SLC13A3: variants seen among roughly 807,000 people sequenced by gnomAD.
SLC13A3 encodes Na(+)/dicarboxylate cotransporter 3.
A neutral mutation model predicts 59.0 loss-of-function variants in SLC13A3; 40 were observed. That is an observed-to-expected ratio of 0.68 (90% CI 0.53 to 0.88). The LOEUF (loss-of-function observed/expected upper bound fraction) is 0.88, where lower values mean the gene tolerates loss of function less well. SLC13A3 is among the 40% of genes least tolerant of loss of function. SLC13A3 has a pLI of 0.00. For missense variants in SLC13A3, 699 were observed against 783.2 expected (o/e 0.89, Z 1.28); for synonymous variants, 317 against 330.3 (o/e 0.96, Z 0.44).
chr20:46,629,048 T>C (rs2062708911), intron 1 of SLC13A3, among the ~76,000 whole-genome samples: 1 of 152,242 alleles, frequency 6.6e-6, no homozygotes. Flanking sequence ...GAAAGCATTT[T>C]GAAGTGTGTG....
chr20:46,600,313 G>GGGAAGGAAGGAAAGGAAGGAAGGAA (rs2062363306), intron 3 of SLC13A3, among the ~76,000 whole-genome samples: 2 of 123,808 alleles, frequency 1.6e-5, no homozygotes, highest in Non-Finnish European at 3.3e-5. Context: ...GAAAGAAAGA[G>GGGAAGGAAGGAAAGGAAGGAAGGAA]GGAAGGAAGG....
At chr20:46,566,022 A>G (rs772885512) in intron 11 of SLC13A3, among the ~76,000 whole-genome samples, 20 of 152,260 alleles carry the variant, frequency 1.3e-4, no homozygotes, top group Non-Finnish European at 2.1e-4. Context: ...AATTGGGAGC[A>G]CTTTGAAAAT....
upstream of SLC13A3, among the ~76,000 whole-genome samples, chr20:46,653,747 G>A (rs929764932): frequency 6.6e-6 from 1 of 152,192 alleles, no homozygotes; most frequent in East Asian, 1.9e-4. Flanking sequence ...TGTCCTTAAG[G>A]CTCACCCATG....
At chr20:46,654,510 T>C (rs1460165135), upstream of SLC13A3, among the ~76,000 whole-genome samples, 1 of 152,222 alleles carries the variant, frequency 6.6e-6, no homozygotes, top group African/African-American at 2.4e-5. Flanking sequence ...GTTTTAACTT[T>C]TCCTTCAGCT....
Position 46,589,358 on chromosome 20 carries a change from G to A in SLC13A3, c.921-103C>T, listed in dbSNP as rs776904285. On this transcript the variant is annotated intron_variant, in intron 6 of 12. Transcript: ENST00000279027. ...TGACCAAGCCACATCCTCTCTGTCC[G>A]GGAGGCTGCAACTGCCTGATAGCTT... 86 of 917,112 alleles carry A rather than the reference G, an allele frequency of 9.4e-5. 1 individual carries two copies. The highest frequency in any genetic ancestry group is 6.7e-4 in the South Asian group (45 of 67,176). 56.8% of individuals were successfully genotyped at this position (917,112 alleles called of 1,614,324 possible). A position where few individuals can be genotyped will look rare whatever the true frequency, so the allele number is the denominator to read the frequency against.
intron 1 of SLC13A3, chr20:46,613,951 T>C: frequency 2.1e-6 from 1 of 471,510 alleles, no homozygotes; most frequent in Non-Finnish European, 3.7e-6. Flanking sequence ...AGCCTCATTT[T>C]GCTCAATTAT....
chr20:46,631,255 G>A (rs1179642797), intron 1 of SLC13A3, among the ~76,000 whole-genome samples: 1 of 152,172 alleles, frequency 6.6e-6, no homozygotes, highest in East Asian at 1.9e-4. Context: ...GTCCAGAACA[G>A]CCCCCTACAA....
At chr20:46,570,732 C>G (rs1285488037) in intron 10 of SLC13A3, among the ~76,000 whole-genome samples, 1 of 152,178 alleles carries the variant, frequency 6.6e-6, no homozygotes, top group Admixed American at 6.5e-5. Context: ...AAGTCAGGAA[C>G]CATCTGTACA....
chr20:46,565,139 C>T (rs2061968644), intron 11 of SLC13A3, among the ~76,000 whole-genome samples: 1 of 152,134 alleles, frequency 6.6e-6, no homozygotes, highest in African/African-American at 2.4e-5. Flanking sequence ...TTTTAAAACT[C>T]CTAGTATAAA....
At chr20:46,659,806 C>A (rs754224065) in intron 1 of SLC13A3, among the ~76,000 whole-genome samples, 2 of 150,668 alleles carry the variant, frequency 1.3e-5, no homozygotes, top group Non-Finnish European at 1.5e-5. Flanking sequence ...ACCCTCTTCT[C>A]TTCCTTTGTA....
rs1359232215 is a variant in SLC13A3, at chr20:46,642,010, G to A, written c.111+9301C>T. Reference sequence around the variant, plus strand: ...AAACTAACTAGCCAGTCCTAAACCTGCACACCCTGCCTTGCCCGAACATAT... The same window carrying A: ...AAACTAACTAGCCAGTCCTAAACCTACACACCCTGCCTTGCCCGAACATAT... On this transcript the variant is annotated intron_variant, in intron 1 of 12. Coordinates refer to ENST00000279027, the MANE Select transcript of SLC13A3 (RefSeq NM_022829.6). 4.6e-5 allele frequency among the ~76,000 whole-genome samples: 7 copies of A among 152,074 alleles called. No homozygotes were observed. In the South Asian group the frequency reaches 1.4e-3, roughly 31 times the overall value.
At chr20:46,626,149 C>G (rs1466693292) in intron 1 of SLC13A3, among the ~76,000 whole-genome samples, 4 of 151,406 alleles carry the variant, frequency 2.6e-5, no homozygotes, top group Non-Finnish European at 4.4e-5. Flanking sequence ...GTCTCTCTGT[C>G]TCTCTCTCCC....
chr20:46,635,464 A>G (rs2062786514), intron 1 of SLC13A3, among the ~76,000 whole-genome samples: 1 of 152,070 alleles, frequency 6.6e-6, no homozygotes, highest in African/African-American at 2.4e-5. Context: ...TTGCTCCTTC[A>G]CCTTCTTCAG....
At chr20:46,567,296 C>T (rs988136104) in intron 10 of SLC13A3, among the ~76,000 whole-genome samples, 2 of 152,026 alleles carry the variant, frequency 1.3e-5, no homozygotes, top group Non-Finnish European at 2.9e-5. Context: ...TATTCATTGT[C>T]GTAAGAATCA....
chr20:46,610,769 A>G (rs1413560017), intron 2 of SLC13A3, among the ~76,000 whole-genome samples, 160 bp from the exon 3 acceptor site: 2 of 152,118 alleles, frequency 1.3e-5, no homozygotes, highest in East Asian at 3.9e-4. Flanking sequence ...TTTATTTTAG[A>G]TCTAAGAAAA....
intron 1 of SLC13A3, among the ~76,000 whole-genome samples, chr20:46,650,744 G>A (rs990126197): frequency 2.0e-5 from 3 of 152,126 alleles, no homozygotes; most frequent in Non-Finnish European, 4.4e-5. Flanking sequence ...GTGCAATACA[G>A]CACCAAGCAC....
intron 1 of SLC13A3, among the ~76,000 whole-genome samples, chr20:46,659,653 T>C (rs2063015438): frequency 1.3e-5 from 2 of 150,314 alleles, no homozygotes; most frequent in South Asian, 2.1e-4. Context: ...GAGGTGGAGG[T>C]TGCAGTGAGC....
chr20:46,650,357 TGGTTTTCTCCTCTG>T (rs2062940589), intron 1 of SLC13A3, among the ~76,000 whole-genome samples: 1 of 152,180 alleles, frequency 6.6e-6, no homozygotes, highest in Non-Finnish European at 1.5e-5. Context: ...CCCCGAGCCT[TGGTTTTCTCCTCTG>T]GAAAATGGGT....
chr20:46,562,934 A>T (rs2061943609), intron 12 of SLC13A3, among the ~76,000 whole-genome samples: 1 of 152,198 alleles, frequency 6.6e-6, no homozygotes, highest in South Asian at 2.1e-4. Flanking sequence ...AGGCCGCAGG[A>T]GTCAGGAGCG....
Sources: allele counts gnomAD v4.1 joint callset (sites outside exome capture counted in the v4.1 genomes callset), GRCh38; gene constraint gnomAD v4.1.1; transcripts MANE v1.5; gene names NCBI Gene and HGNC (gene_info 2026-07-23, HGNC 2026-07-21).